The following PXDNL variants were observed in gnomAD, a reference collection of about 807,000 sequenced individuals.
PXDNL encodes the protein probable oxidoreductase PXDNL.
In PXDNL, 145 loss-of-function variants were observed where a neutral mutation model predicts 150.8. The observed-to-expected ratio is 0.96, with a 90% confidence interval of 0.84 to 1.10. PXDNL has a LOEUF of 1.10. Ranked by LOEUF, PXDNL falls within the 50% of genes least tolerant of loss-of-function variation. The probability of loss-of-function intolerance (pLI) is 0.00; values close to 1 mark genes in which losing one functional copy is unlikely to be tolerated. For missense variants in PXDNL, 2,087 were observed against 1,873.9 expected (o/e 1.11, Z -2.10); for synonymous variants, 757 against 725.7 (o/e 1.04, Z -0.69).
At chr8:51,377,105 TACACACACACACACACAC>T (rs772419401) in intron 17 of PXDNL, among the ~76,000 whole-genome samples, 1 of 140,612 alleles carries the variant, frequency 7.1e-6, no homozygotes, top group Non-Finnish European at 1.5e-5. Flanking sequence ...CTCTACCCTT[TACACACACACACACACAC>T]ACACACACAC....
intron 1 of PXDNL, among the ~76,000 whole-genome samples, chr8:51,784,229 C>T (rs1444406516): frequency 6.6e-6 from 1 of 152,188 alleles, no homozygotes; most frequent in Non-Finnish European, 1.5e-5. Flanking sequence ...CTTGAAAAGA[C>T]ATTTCAATAA....
intron 2 of PXDNL, among the ~76,000 whole-genome samples, chr8:51,639,529 C>T (rs934607520): frequency 1.4e-4 from 21 of 152,134 alleles, no homozygotes; most frequent in African/African-American, 4.1e-4. Flanking sequence ...ATATCACCAC[C>T]GATCCCACAG....
At chr8:51,400,262 G>A (rs1808207589) in intron 17 of PXDNL, among the ~76,000 whole-genome samples, 1 of 152,180 alleles carries the variant, frequency 6.6e-6, no homozygotes, top group South Asian at 2.1e-4. Context: ...GGGGGCTGTG[G>A]AAGTCTTTTT....
chr8:51,365,099 A>C (rs1329456846), intron 19 of PXDNL, among the ~76,000 whole-genome samples: 1 of 151,960 alleles, frequency 6.6e-6, no homozygotes, highest in African/African-American at 2.4e-5. Context: ...CACCACACCC[A>C]GCTAATTTTT....
chr8:51,608,401 AAAG>A (rs1405219439), intron 2 of PXDNL, among the ~76,000 whole-genome samples: 4 of 134,970 alleles, frequency 3.0e-5, no homozygotes, highest in Admixed American at 2.8e-4. Flanking sequence ...AAAAAAAAAA[AAAG>A]AAAGAAAGGA....
At chr8:51,587,641 G>C (rs910278797) in intron 3 of PXDNL, among the ~76,000 whole-genome samples, 1 of 152,112 alleles carries the variant, frequency 6.6e-6, no homozygotes, top group Non-Finnish European at 1.5e-5. Flanking sequence ...ATAAATACTT[G>C]TAATCTTTGG....
chr8:51,717,779 G>A (rs1399826506), intron 1 of PXDNL, among the ~76,000 whole-genome samples: 2 of 152,188 alleles, frequency 1.3e-5, no homozygotes, highest in Non-Finnish European at 2.9e-5. Context: ...GCAGGAGAGG[G>A]AGAGAAGATG....
chr8:51,328,075 C>A (rs999587478), intron 21 of PXDNL, among the ~76,000 whole-genome samples: 1 of 152,184 alleles, frequency 6.6e-6, no homozygotes, highest in African/African-American at 2.4e-5. Flanking sequence ...GTGGGTGGGC[C>A]TCATCCAGTA....
chr8:51,674,923 A>G (rs1008813612), intron 1 of PXDNL, among the ~76,000 whole-genome samples: 1 of 152,212 alleles, frequency 6.6e-6, no homozygotes, highest in Non-Finnish European at 1.5e-5. Flanking sequence ...TGGACAAATT[A>G]CATTATTTCC....
At chr8:51,598,445 C>T (rs550204166) in intron 2 of PXDNL, among the ~76,000 whole-genome samples, 73 of 152,116 alleles carry the variant, frequency 4.8e-4, no homozygotes, top group African/African-American at 1.6e-3. Flanking sequence ...TATGAAGGGA[C>T]GTTGAATTTC....
At chr8:51,581,099 G>A (rs1333000481) in intron 3 of PXDNL, among the ~76,000 whole-genome samples, 2 of 152,072 alleles carry the variant, frequency 1.3e-5, no homozygotes, top group Non-Finnish European at 2.9e-5. Flanking sequence ...GAAAAATCAG[G>A]AAATAGGAAG....
intron 2 of PXDNL, among the ~76,000 whole-genome samples, chr8:51,620,915 C>T (rs1182196977): frequency 2.0e-5 from 3 of 152,146 alleles, no homozygotes; most frequent in Non-Finnish European, 4.4e-5. Context: ...TGCACTTCCT[C>T]AGGACAATAT....
intron 16 of PXDNL, among the ~76,000 whole-genome samples, chr8:51,410,789 A>G (rs988407452): frequency 6.6e-6 from 1 of 152,186 alleles, no homozygotes; most frequent in African/African-American, 2.4e-5. Flanking sequence ...ATATACCAAA[A>G]AACAAAACAA....
At chr8:51,429,422 A>T (rs1010793093) in intron 12 of PXDNL, among the ~76,000 whole-genome samples, 1 of 152,186 alleles carries the variant, frequency 6.6e-6, no homozygotes, top group African/African-American at 2.4e-5. Flanking sequence ...TCTACTAAAA[A>T]TACAATAAAT....
chr8:51,324,040 A>AAAAGG (rs2130612038), intron 21 of PXDNL, among the ~76,000 whole-genome samples: 1 of 152,326 alleles, frequency 6.6e-6, no homozygotes, highest in Admixed American at 6.5e-5. Flanking sequence ...TCTTGATAAT[A>AAAAGG]AAAGGATGTA....
chr8:51,441,444 T>C (rs1809546633), intron 12 of PXDNL, among the ~76,000 whole-genome samples: 1 of 152,174 alleles, frequency 6.6e-6, no homozygotes. Flanking sequence ...GTTAGATGTC[T>C]GCTTGGTCAG....
At chr8:51,800,936 T>G (rs976612597) in intron 1 of PXDNL, among the ~76,000 whole-genome samples, 6 of 152,114 alleles carry the variant, frequency 3.9e-5, no homozygotes, top group Admixed American at 6.5e-5. Context: ...ATGAAATCAG[T>G]GCACCTTGGA....
At chr8:51,436,933 T>C (rs1368623443) in intron 12 of PXDNL, among the ~76,000 whole-genome samples, 1 of 152,010 alleles carries the variant, frequency 6.6e-6, no homozygotes, top group Non-Finnish European at 1.5e-5. Context: ...TTTGAAAAGA[T>C]AAATAAAATT....
chr8:51,578,005 GGAAGGAAGGAAGGAAGGAAGGA>G (rs1563471248), intron 3 of PXDNL, among the ~76,000 whole-genome samples: 24 of 74,950 alleles, frequency 3.2e-4, no homozygotes, highest in African/African-American at 1.5e-3. Context: ...GAAAGAGGAA[GGAAGGAAGGAAGGAAGGAAGGA>G]AGGAAGGAAG....
Sources: gnomAD v4.1 joint callset for allele counts (sites outside exome capture counted in the v4.1 genomes callset) on GRCh38, gnomAD v4.1.1 for gene constraint, MANE v1.5 for transcripts, NCBI Gene and HGNC (gene_info 2026-07-23, HGNC 2026-07-21) for gene names.